Variants in IFT52 observed in about 807,000 individuals in gnomAD.
The protein encoded by IFT52 is intraflagellar transport protein 52 homolog.
In IFT52, 44 loss-of-function variants were observed where a neutral mutation model predicts 54.4. The ratio of observed to expected loss-of-function variants is 0.81; its 90% confidence interval spans 0.63 to 1.04. The LOEUF is 1.04. Ranked by LOEUF, IFT52 falls within the 50% of genes least tolerant of loss-of-function variation. The pLI is 0.00. For missense variants in IFT52, 452 were observed against 523.6 expected (o/e 0.86, Z 1.33); for synonymous variants, 181 against 185.3 (o/e 0.98, Z 0.19).
intron 12 of IFT52, 24 bp downstream of exon 12, chr20:43,637,277 TTTGAGACAGAG>T: frequency 1.4e-6 from 2 of 1,388,142 alleles, no homozygotes. Flanking sequence ...ACTTTTTTTT[TTTGAGACAGAG>T]TTTCACTCTT....
intron 10 of IFT52, among the ~76,000 whole-genome samples, chr20:43,626,278 T>C (rs1984712496): frequency 6.6e-6 from 1 of 152,016 alleles, no homozygotes; most frequent in Middle Eastern, 3.4e-3. Flanking sequence ...TTTTTTTTTT[T>C]TGGAGACAGA....
At chr20:43,599,359 G>T (rs928484895) in intron 3 of IFT52, among the ~76,000 whole-genome samples, 5 of 152,170 alleles carry the variant, frequency 3.3e-5, no homozygotes, top group Non-Finnish European at 7.4e-5. Flanking sequence ...ATGGGTGCCA[G>T]GCCAAGCCTT....
chr20:43,603,955 T>C lies in IFT52; in HGVS notation c.337+66T>C, dbSNP rs1982655707. On this transcript the variant is annotated intron_variant, in intron 4 of 13. Transcript: ENST00000373030. ...TATCTATTATTTGATATCATAGCCC[T>C]CTAGGTCCAGTGGCATAATGGAAAA... 5.9e-6 allele frequency: 7 copies of C among 1,194,252 alleles called. No individual in the cohort carries two copies. The Admixed American group carries it at 1.5e-4, about 26-fold the overall frequency. The allele number at this position is 1,194,252 out of a possible 1,614,324, so 74.0% of individuals were successfully genotyped here.
At chr20:43,641,855 G>C (rs954473194) in intron 12 of IFT52, among the ~76,000 whole-genome samples, 4 of 150,934 alleles carry the variant, frequency 2.7e-5, no homozygotes, top group African/African-American at 9.8e-5. Flanking sequence ...GTGCAGTGGC[G>C]CAATCTCTGT....
At chr20:43,625,236 C>T (rs961478661) in intron 10 of IFT52, among the ~76,000 whole-genome samples, 5 of 152,068 alleles carry the variant, frequency 3.3e-5, no homozygotes, top group African/African-American at 7.2e-5. Flanking sequence ...TCAGGCCAGG[C>T]GTGGTGGCTC....
At chr20:43,638,196 T>A (rs992388416) in intron 12 of IFT52, among the ~76,000 whole-genome samples, 42 of 140,312 alleles carry the variant, frequency 3.0e-4, no homozygotes, top group African/African-American at 8.4e-4. Flanking sequence ...AGATTATATT[T>A]TTTTTTTTTT....
chr20:43,614,687 TA>T (rs1357819999), intron 7 of IFT52, among the ~76,000 whole-genome samples: 1 of 152,134 alleles, frequency 6.6e-6, no homozygotes, highest in Non-Finnish European at 1.5e-5. Flanking sequence ...ATGTTGCTGT[TA>T]GTTTATACTA....
intron 9 of IFT52, among the ~76,000 whole-genome samples, chr20:43,622,460 G>A (rs927738162): frequency 2.0e-5 from 3 of 151,598 alleles, no homozygotes; most frequent in Admixed American, 6.6e-5. Flanking sequence ...AAAATTAGCC[G>A]GGCATGGTGG....
chr20:43,624,857 G>A (rs1460251471), intron 10 of IFT52, among the ~76,000 whole-genome samples: 1 of 152,058 alleles, frequency 6.6e-6, no homozygotes, highest in African/African-American at 2.4e-5. Flanking sequence ...CCGTGTATCC[G>A]GAGAGCAAGA....
At position 43,636,577 on chromosome 20, in the gene IFT52, A is replaced by AGTTTT. The variant is rs558685439; in HGVS notation, c.1012-556_1012-552dup. On this transcript the variant is annotated intron_variant, in intron 11 of 13. Transcript: ENST00000373030. The stretch of plus-strand genomic sequence containing the variant: ...GGTAAATGCTACAAAACAGGCCTTC[A>AGTTTT]GTTTTGTTTTGTTTTGAAAGTAGTT... 5.1e-3 allele frequency among the ~76,000 whole-genome samples: 772 copies of AGTTTT among 152,288 alleles called. 4 individuals carry two copies. The highest frequency in any genetic ancestry group is 0.011 in the South Asian group (53 of 4,822).
chr20:43,600,682 G>C (rs1370083031), intron 3 of IFT52, among the ~76,000 whole-genome samples: 2 of 152,120 alleles, frequency 1.3e-5, no homozygotes, highest in African/African-American at 4.8e-5. Flanking sequence ...TATTTACATA[G>C]AATTTGAGCT....
At chr20:43,619,102 T>G in intron 8 of IFT52, 76 bp downstream of exon 8, 1 of 1,053,600 alleles carries the variant, frequency 9.5e-7, no homozygotes, top group Non-Finnish European at 1.4e-6. Flanking sequence ...CTGGTAAGTT[T>G]ATTTGCTCAT....
intron 9 of IFT52, among the ~76,000 whole-genome samples, chr20:43,623,623 T>G (rs1984501864): frequency 6.6e-6 from 1 of 152,204 alleles, no homozygotes; most frequent in Non-Finnish European, 1.5e-5. Context: ...TTGATAGGGT[T>G]GTATGTTTCT....
chr20:43,606,900 G>C (rs1308254841), intron 6 of IFT52, among the ~76,000 whole-genome samples: 1 of 152,182 alleles, frequency 6.6e-6, no homozygotes, highest in Non-Finnish European at 1.5e-5. Flanking sequence ...CACAGGGTTG[G>C]GGGTAAGGTC....
chr20:43,637,935 T>G (rs1480238309), intron 12 of IFT52, among the ~76,000 whole-genome samples: 1 of 152,116 alleles, frequency 6.6e-6, no homozygotes, highest in Non-Finnish European at 1.5e-5. Flanking sequence ...GCCCAAAGAA[T>G]GATAGAGACT....
intron 12 of IFT52, 169 bp from the exon 13 acceptor site, chr20:43,642,310 C>T (rs1366607402): frequency 8.2e-6 from 5 of 612,456 alleles, no homozygotes; most frequent in African/African-American, 1.9e-5. Context: ...CATTAGAGAG[C>T]TCTAGGGTTT....
chr20:43,605,900 T>A (rs749335806), intron 6 of IFT52, among the ~76,000 whole-genome samples: 1 of 152,186 alleles, frequency 6.6e-6, no homozygotes, highest in Non-Finnish European at 1.5e-5. Flanking sequence ...GCCTGCACTC[T>A]TAACTTCTGT....
chr20:43,597,890 CAAAAAAAAA>C (rs36068236), intron 3 of IFT52, among the ~76,000 whole-genome samples: 2 of 102,034 alleles, frequency 2.0e-5, no homozygotes, highest in African/African-American at 7.8e-5. Flanking sequence ...GAGACTCTTT[CAAAAAAAAA>C]AAAAAAAAAA....
At chr20:43,646,032 C>A (rs1208761235) in intron 13 of IFT52, among the ~76,000 whole-genome samples, 1 of 151,432 alleles carries the variant, frequency 6.6e-6, no homozygotes, top group Non-Finnish European at 1.5e-5. Flanking sequence ...ACATGTGAAA[C>A]CCCGTCTCCA....
Sources: gnomAD v4.1 joint callset for allele counts (sites outside exome capture counted in the v4.1 genomes callset) on GRCh38, gnomAD v4.1.1 for gene constraint, MANE v1.5 for transcripts, NCBI Gene and HGNC (gene_info 2026-07-23, HGNC 2026-07-21) for gene names.